The following SCN2A variants were observed in gnomAD, a reference collection of about 807,000 sequenced individuals.
The protein encoded by SCN2A is sodium channel protein type 2 subunit alpha.
A neutral mutation model predicts 188.7 loss-of-function variants in SCN2A; 20 were observed. The observed-to-expected ratio is 0.11, with a 90% CI of 0.07 to 0.15. SCN2A has a LOEUF of 0.15. SCN2A is among the 10% of genes least tolerant of loss of function. SCN2A has a pLI of 1.00. For synonymous variants in SCN2A, 804 were observed against 833.1 expected (o/e 0.97, Z 0.60); for missense variants, 1,278 against 2,445.0 (o/e 0.52, Z 10.07).
At chr2:165,336,866 A>G (rs1367841634) in intron 14 of SCN2A, among the ~76,000 whole-genome samples, 1 of 152,042 alleles carries the variant, frequency 6.6e-6, no homozygotes, top group African/African-American at 2.4e-5. Flanking sequence ...TAGAAGATAG[A>G]TTTCCAGGAT....
intron 17 of SCN2A, among the ~76,000 whole-genome samples, chr2:165,359,843 A>C (rs187995251): frequency 1.1e-3 from 173 of 152,150 alleles, no homozygotes; most frequent in South Asian, 2.9e-3. Context: ...GAGCAGTAGG[A>C]CATCATGACA....
chr2:165,381,256 C>A, intron 25 of SCN2A, 59 bp downstream of exon 25: 1 of 1,242,042 alleles, frequency 8.1e-7, no homozygotes. Flanking sequence ...GTTTCACAGC[C>A]CGAATTTCTA....
At chr2:165,258,736 T>C (rs1477901249) in intron 1 of SCN2A, among the ~76,000 whole-genome samples, 1 of 152,184 alleles carries the variant, frequency 6.6e-6, no homozygotes, top group Non-Finnish European at 1.5e-5. Context: ...ATATATACCA[T>C]GGAATACTAT....
At chr2:165,291,575 TTC>T (rs762280674) in intron 1 of SCN2A, among the ~76,000 whole-genome samples, 21 of 70,524 alleles carry the variant, frequency 3.0e-4, no homozygotes, top group East Asian at 6.9e-4. Flanking sequence ...CTTCCTTCCT[TTC>T]TCTCTCTCTC....
Position 165,365,217 on chromosome 2 carries a change from G to A in SCN2A, c.3474G>A (p.Glu1158=), listed in dbSNP as rs1222887266. ...CTCCCGCCGAGGGAGAACAGCCTGA[G>A]GTTGAACCTGAGGAATCCCTTGAAC... The part of the protein sequence containing the change: ...IGAPAEGEQP[E]VEPEESLEPE... The change falls in exon 18 of 27, where the codon GAG becomes GAA. Residue 1158 remains glutamate (E), a synonymous_variant. Transcript: ENST00000375437. The A allele has an allele frequency of 1.2e-6, 2 of 1,613,846 alleles. No homozygotes were observed. Among genetic ancestry groups the A allele is most frequent in the East Asian group, 4.5e-5 (2 of 44,876 alleles).
At chr2:165,303,270 G>GGTTTTTTTTTTTTTT (rs1464026134) in intron 3 of SCN2A, among the ~76,000 whole-genome samples, 1 of 91,330 alleles carries the variant, frequency 1.1e-5, no homozygotes, top group East Asian at 3.7e-4. Flanking sequence ...TGTTATTTGA[G>GGTTTTTTTTTTTTTT]TTTTTTTTTT....
intron 1 of SCN2A, among the ~76,000 whole-genome samples, chr2:165,254,757 A>C (rs1435415450): frequency 6.6e-6 from 1 of 151,834 alleles, no homozygotes; most frequent in East Asian, 1.9e-4. Context: ...TTCATCTCTC[A>C]AAAGCTAAGA....
At chr2:165,350,934 G>A (rs917516860) in intron 16 of SCN2A, among the ~76,000 whole-genome samples, 4 of 152,204 alleles carry the variant, frequency 2.6e-5, no homozygotes, top group Non-Finnish European at 4.4e-5. Context: ...TGGAGGATAA[G>A]TTGGATAATA....
At position 165,373,366 on chromosome 2, in the gene SCN2A, G is replaced by A. The variant is rs1207074164; in HGVS notation, c.3972+19G>A. 1 of 1,612,416 alleles carries A rather than the reference G, an allele frequency of 6.2e-7. No individual in the cohort carries two copies. Among genetic ancestry groups the A allele is most frequent in the Non-Finnish European group, 8.5e-7 (1 of 1,178,844 alleles). The stretch of plus-strand genomic sequence containing the variant: ...AATGAGGGTAAGACTGAATGCCTTA[G>A]AGTTTGTCAGAATTATTATTGAGAG... On this transcript the variant is annotated intron_variant, in intron 21 of 26. Transcript: ENST00000375437.
chr2:165,391,512 TAAG>T lies in SCN2A; in HGVS notation c.*1692_*1694del, dbSNP rs1409093567. The T allele has an allele frequency of 3.9e-5, 6 of 152,520 alleles. No individual in the cohort carries two copies. Among genetic ancestry groups the T allele is most frequent in the Admixed American group, 3.3e-4 (5 of 15,236 alleles). The allele number at this position is 152,520 out of a possible 1,614,324, so 9.4% of individuals were successfully genotyped here. On this transcript the variant is annotated 3_prime_UTR_variant, in exon 27 of 27. Coordinates refer to ENST00000375437, the MANE Select transcript of SCN2A (RefSeq NM_001040142.2). The stretch of plus-strand genomic sequence containing the variant: ...TTTTAAATTGAAGCACTTCACAAAA[TAAG>T]AAGCAAGGACTAGGATGCAGTGTAG...
intron 15 of SCN2A, among the ~76,000 whole-genome samples, chr2:165,343,978 C>A (rs1021530668): frequency 6.6e-6 from 1 of 152,108 alleles, no homozygotes; most frequent in South Asian, 2.1e-4. Context: ...ATTATTCTCA[C>A]CTGTGCATTT....
At chr2:165,272,764 T>TCACACACACACACACA (rs71912251) in intron 1 of SCN2A, 2 of 148,332 alleles carry the variant, frequency 1.3e-5, no homozygotes, top group African/African-American at 5.0e-5. Context: ...AAGAGGGAAA[T>TCACACACACACACACA]CACACACACA....
chr2:165,314,132 C>T, intron 10 of SCN2A, 24 bp downstream of exon 10: 1 of 1,602,230 alleles, frequency 6.2e-7, no homozygotes, highest in South Asian at 1.1e-5. Flanking sequence ...GCATACGGTC[C>T]TTTGTTTTTC....
chr2:165,253,951 C>A (rs1036319744), intron 1 of SCN2A, among the ~76,000 whole-genome samples: 9 of 151,776 alleles, frequency 5.9e-5, no homozygotes, highest in Non-Finnish European at 1.3e-4. Flanking sequence ...CTAATGTTTA[C>A]CCCCAGTTAT....
rs1307386077 is a variant in SCN2A, at chr2:165,390,642, A to G, written c.*818A>G. On this transcript the variant is annotated 3_prime_UTR_variant, in exon 27 of 27. Transcript: ENST00000375437. Reference sequence around the variant, plus strand: ...TGTATATGTGCGTGTATATACATATATATGTATACACACATGCACACACAG... The same window carrying G: ...TGTATATGTGCGTGTATATACATATGTATGTATACACACATGCACACACAG... 6.6e-6 allele frequency: 1 copy of G among 152,446 alleles called. No homozygotes were observed. The highest frequency in any genetic ancestry group is 6.6e-5 in the Admixed American group (1 of 15,244). The allele number at this position is 152,446 out of a possible 1,614,324, so 9.4% of individuals were successfully genotyped here. A position where few individuals can be genotyped will look rare whatever the true frequency, so the allele number is the denominator to read the frequency against.
Position 165,316,221 on chromosome 2 carries a change from G to T in SCN2A, c.1671+463G>T, listed in dbSNP as rs1414568257. Among the ~76,000 whole-genome samples, 14 of 152,124 alleles carry T rather than the reference G, an allele frequency of 9.2e-5. 2 individuals are homozygous for T. In the South Asian group the frequency reaches 2.9e-3, roughly 32 times the overall value. ...GCATTCTTCATGCCTTTGTTTCAAAGGGGACTGAAACAAAATATCTCTAAA... is the reference window on the plus strand; with the variant it reads ...GCATTCTTCATGCCTTTGTTTCAAATGGGACTGAAACAAAATATCTCTAAA... On this transcript the variant is annotated intron_variant, in intron 11 of 26. Coordinates refer to ENST00000375437, the MANE Select transcript of SCN2A (RefSeq NM_001040142.2).
chr2:165,319,803 C>T (rs1048606883), intron 11 of SCN2A, among the ~76,000 whole-genome samples: 1 of 152,196 alleles, frequency 6.6e-6, no homozygotes, highest in Non-Finnish European at 1.5e-5. Context: ...CTGACCAGGT[C>T]CCTCCCACAA....
At chr2:165,341,886 A>G (rs1210703805) in intron 14 of SCN2A, among the ~76,000 whole-genome samples, 1 of 152,178 alleles carries the variant, frequency 6.6e-6, no homozygotes, top group Non-Finnish European at 1.5e-5. Flanking sequence ...CTTACATGAC[A>G]TCTTAGCACC....
chr2:165,349,664 C>A (rs1167346968), intron 16 of SCN2A, among the ~76,000 whole-genome samples: 2 of 152,108 alleles, frequency 1.3e-5, no homozygotes, highest in African/African-American at 2.4e-5. Context: ...AATTTTTGTT[C>A]TTTTAAGAGA....
Sources: gnomAD v4.1 joint callset for allele counts (sites outside exome capture counted in the v4.1 genomes callset) on GRCh38, gnomAD v4.1.1 for gene constraint, MANE v1.5 for transcripts, NCBI Gene and HGNC (gene_info 2026-07-23, HGNC 2026-07-21) for gene names.